PLCH2: variants seen among roughly 807,000 people sequenced by gnomAD.
The protein encoded by PLCH2 is phospholipase C eta 2.
A neutral mutation model predicts 134.7 loss-of-function variants in PLCH2; 98 were observed. The ratio of observed to expected loss-of-function variants is 0.73; its 90% confidence interval spans 0.62 to 0.86. The LOEUF is 0.86. PLCH2 is among the 40% of genes least tolerant of loss of function. The probability of loss-of-function intolerance (pLI) is 0.00; values close to 1 mark genes in which losing one functional copy is unlikely to be tolerated. For missense variants in PLCH2, 1,994 were observed against 1,986.6 expected, an observed-to-expected ratio of 1.00 and a Z score of -0.07; for synonymous variants, 974 against 827.5, an observed-to-expected ratio of 1.18 and a Z score of -3.04.
chr1:2,457,765 T>C (rs1640565920), intron 2 of PLCH2, among the ~76,000 whole-genome samples: 1 of 151,182 alleles, frequency 6.6e-6, no homozygotes, highest in Non-Finnish European at 1.5e-5. Flanking sequence ...CAGCCTCGTG[T>C]GGAACATGAA....
At chr1:2,501,877 T>TGGGCC in intron 20 of PLCH2, 2 of 457,480 alleles carry the variant, frequency 4.4e-6, no homozygotes, top group Non-Finnish European at 7.6e-6. Flanking sequence ...AAGGGTGGGG[T>TGGGCC]GGGCCATGTG....
chr1:2,485,740 G>A (rs1182154339), intron 5 of PLCH2, among the ~76,000 whole-genome samples: 3 of 152,164 alleles, frequency 2.0e-5, no homozygotes, highest in African/African-American at 4.8e-5. Context: ...TCAGCCTCTC[G>A]GTGATGGTCT....
upstream of PLCH2, among the ~76,000 whole-genome samples, chr1:2,462,646 G>C (rs1431109810): frequency 6.6e-6 from 1 of 152,100 alleles, no homozygotes; most frequent in Non-Finnish European, 1.5e-5. Flanking sequence ...GTGCTCCTCT[G>C]TGACCTTAGA....
At chr1:2,458,455 G>T (rs1298447741) in intron 2 of PLCH2, among the ~76,000 whole-genome samples, 1 of 152,194 alleles carries the variant, frequency 6.6e-6, no homozygotes, top group Non-Finnish European at 1.5e-5. Flanking sequence ...TTGGGCACTG[G>T]CCTGGCCTGA....
chr1:2,498,170 G>T lies in PLCH2; in HGVS notation c.2225-353G>T. ...CTACTTCCACCTCTGCCCTTGGCTTGCCCTCCTCAGAGTTCTCAGCCTGAG... is the reference window on the plus strand; with the variant it reads ...CTACTTCCACCTCTGCCCTTGGCTTTCCCTCCTCAGAGTTCTCAGCCTGAG... On this transcript the variant is annotated intron_variant, in intron 16 of 21. Coordinates refer to ENST00000378486, the MANE Select transcript of PLCH2 (RefSeq NM_014638.4). This position sits in a 1 kb window ranked among gnomAD's most constrained non-coding sequence, Gnocchi z 5.4. The T allele has an allele frequency of 3.2e-6, 1 of 309,052 alleles. No individual in the cohort carries two copies. The highest frequency in any genetic ancestry group is 6.0e-6 in the Non-Finnish European group (1 of 165,334). 19.1% of individuals were successfully genotyped at this position (309,052 alleles called of 1,614,324 possible). A position where few individuals can be genotyped will look rare whatever the true frequency, so the allele number is the denominator to read the frequency against.
At chr1:2,435,577 CT>C (rs1025931321) in intron 2 of PLCH2, among the ~76,000 whole-genome samples, 65 of 152,032 alleles carry the variant, frequency 4.3e-4, no homozygotes, top group African/African-American at 1.6e-3. Flanking sequence ...AATGGGGTCC[CT>C]GGGGAGGACA....
upstream of PLCH2, among the ~76,000 whole-genome samples, chr1:2,465,496 G>T (rs1399711791): frequency 3.3e-5 from 5 of 152,260 alleles, no homozygotes; most frequent in African/African-American, 1.2e-4. Context: ...CCTTCCAGTC[G>T]CCTTCTTCAA....
At position 2,484,671 on chromosome 1, in the gene PLCH2, G is replaced by A. The variant is rs1642197824; in HGVS notation, c.816+53G>A. On this transcript the variant is annotated intron_variant, in intron 5 of 21. Transcript: ENST00000378486. ...GGCCAGCCATCAGGCCTCGCCTTCT[G>A]TTCTGAGCTTTGAGCTTCAGTCAGG... 3.8e-6 allele frequency: 6 copies of A among 1,583,212 alleles called. No individual in the cohort carries two copies. The East Asian group carries it at 6.7e-5, about 18-fold the overall frequency.
upstream of PLCH2, among the ~76,000 whole-genome samples, chr1:2,474,123 C>T (rs1205811761): frequency 2.0e-5 from 3 of 151,984 alleles, no homozygotes; most frequent in Non-Finnish European, 4.4e-5. Flanking sequence ...GGCTGTGGGG[C>T]TGGGCTCGCC....
intron 8 of PLCH2, 93 bp from the exon 9 acceptor site, chr1:2,489,114 A>G: frequency 8.6e-7 from 1 of 1,165,698 alleles, no homozygotes; most frequent in East Asian, 2.4e-5. Flanking sequence ...TCCTCATTCA[A>G]TGGTTTAGAT....
At chr1:2,499,791 A>G in intron 20 of PLCH2, 71 bp downstream of exon 20, 1 of 1,189,584 alleles carries the variant, frequency 8.4e-7, no homozygotes, top group Non-Finnish European at 1.2e-6. Flanking sequence ...ATGCCCCCCC[A>G]TGTGTCCCCA....
chr1:2,439,478 C>T lies in PLCH2; in HGVS notation c.115+8849C>T, dbSNP rs1191705205. On this transcript the variant is annotated intron_variant, in intron 2 of 3. Coordinates refer to the PLCH2 transcript ENST00000609981. This position sits in a 1 kb window ranked among gnomAD's most constrained non-coding sequence, Gnocchi z 4.7. ...TCTTGAGTTCTGATTGAGAACGGGA[C>T]GTCTTCAGACCAGATGCTGGTGGAA... Among the ~76,000 whole-genome samples, 8 of 152,274 alleles carry T rather than the reference C, an allele frequency of 5.3e-5. No homozygotes were observed. Among genetic ancestry groups the T allele is most frequent in the Admixed American group, 2.0e-4 (3 of 15,292 alleles).
At chr1:2,487,094 T>C (rs1642326556) in intron 6 of PLCH2, 79 bp from the exon 7 acceptor site, 2 of 1,502,082 alleles carry the variant, frequency 1.3e-6, no homozygotes, top group South Asian at 1.2e-5. Context: ...TTCTGTGTTC[T>C]GTGTGGCATG....
upstream of PLCH2, among the ~76,000 whole-genome samples, chr1:2,475,708 C>T (rs770006108): frequency 1.1e-4 from 16 of 152,298 alleles, no homozygotes; most frequent in Admixed American, 2.0e-4. Context: ...CGCCACAGCT[C>T]GGTGACCGTG....
At chr1:2,458,344 C>T (rs1366981682) in intron 2 of PLCH2, among the ~76,000 whole-genome samples, 1 of 152,170 alleles carries the variant, frequency 6.6e-6, no homozygotes, top group East Asian at 1.9e-4. Context: ...GGCAGAGACC[C>T]TGGAGCAGGG....
At chr1:2,452,789 G>T (rs1640307816) in intron 2 of PLCH2, among the ~76,000 whole-genome samples, 1 of 152,188 alleles carries the variant, frequency 6.6e-6, no homozygotes, top group Non-Finnish European at 1.5e-5. Context: ...TTGGCCAGTC[G>T]CTGTCCTCAG....
intron 11 of PLCH2, 140 bp from the exon 12 acceptor site, chr1:2,494,716 C>A: frequency 1.5e-6 from 1 of 669,590 alleles, no homozygotes; most frequent in South Asian, 1.6e-5. Context: ...CCTGCCCTCC[C>A]CTCCCGTCTG....
At chr1:2,465,765 C>T (rs866700586), upstream of PLCH2, among the ~76,000 whole-genome samples, 5 of 152,132 alleles carry the variant, frequency 3.3e-5, no homozygotes, top group Admixed American at 6.5e-5. Flanking sequence ...GGCTGAGTGG[C>T]GGGCGGGGCT....
chr1:2,430,032 G>A (rs1638992908), intron 1 of PLCH2, among the ~76,000 whole-genome samples: 1 of 152,222 alleles, frequency 6.6e-6, no homozygotes, highest in Non-Finnish European at 1.5e-5. Flanking sequence ...CATGGAGGAA[G>A]CTGTGGCCTC....
Sources: gnomAD v4.1 joint callset for allele counts (sites outside exome capture counted in the v4.1 genomes callset) on GRCh38, gnomAD v4.1.1 for gene constraint, Gnocchi (gnomAD v3.1) non-coding constraint, MANE v1.5 for transcripts, NCBI Gene and HGNC (gene_info 2026-07-23, HGNC 2026-07-21) for gene names.